PDIA6: variants seen among roughly 807,000 people sequenced by gnomAD.
The protein encoded by PDIA6 is protein disulfide-isomerase A6.
PDIA6 carries 29 observed loss-of-function variants against 58.4 expected under a neutral mutation model. The observed-to-expected ratio is 0.50, with a 90% confidence interval of 0.37 to 0.68. The LOEUF (loss-of-function observed/expected upper bound fraction) is 0.68. Among genes scored for constraint, PDIA6 ranks in the 30% least tolerant of loss-of-function variants. PDIA6 has a pLI of 0.00. For synonymous variants in PDIA6, 192 were observed against 202.6 expected (o/e 0.95, Z 0.44); for missense variants, 480 against 551.0 (o/e 0.87, Z 1.29).
At chr2:10,818,949 T>C (rs1166350806) in intron 2 of PDIA6, among the ~76,000 whole-genome samples, 1 of 152,110 alleles carries the variant, frequency 6.6e-6, no homozygotes, top group African/African-American at 2.4e-5. Flanking sequence ...CAAATCCTCA[T>C]TCCCCCTCCC....
chr2:10,800,682 C>T (rs1666471461), intron 2 of PDIA6, among the ~76,000 whole-genome samples: 1 of 151,646 alleles, frequency 6.6e-6, no homozygotes, highest in Non-Finnish European at 1.5e-5. Context: ...CTCACTGCAG[C>T]TTCTACCTCA....
chr2:10,795,494 AAGACG>A (rs1420853399), intron 4 of PDIA6, among the ~76,000 whole-genome samples: 14 of 42,724 alleles, frequency 3.3e-4, no homozygotes, highest in Non-Finnish European at 9.3e-4. Context: ...TCTTCAGACG[AAGACG>A]AAGACGAAGA....
intron 1 of PDIA6, among the ~76,000 whole-genome samples, chr2:10,807,378 A>G (rs923360248): frequency 6.6e-6 from 1 of 152,052 alleles, no homozygotes; most frequent in African/African-American, 2.4e-5. Flanking sequence ...TAACTTTTAA[A>G]TTTTTTGTAG....
intron 11 of PDIA6, among the ~76,000 whole-genome samples, chr2:10,785,594 C>A (rs977766518): frequency 6.6e-6 from 1 of 152,144 alleles, no homozygotes; most frequent in East Asian, 1.9e-4. Context: ...GCTAGACTAA[C>A]AATCTATGGC....
intron 4 of PDIA6, among the ~76,000 whole-genome samples, chr2:10,794,257 C>T (rs1033864552): frequency 1.8e-4 from 27 of 151,506 alleles, no homozygotes; most frequent in African/African-American, 6.3e-4. Context: ...ACCATCCTGC[C>T]CAACATGGTG....
intron 1 of PDIA6, among the ~76,000 whole-genome samples, chr2:10,827,837 T>A (rs2884290): frequency 0.59 from 72,510 of 123,156 alleles, 18,742 homozygotes; most frequent in East Asian, 0.79. Flanking sequence ...AAAAAAAAAA[T>A]TTTTTTTTTC....
upstream of PDIA6, among the ~76,000 whole-genome samples, chr2:10,834,340 C>T (rs577517768): frequency 2.6e-5 from 4 of 152,282 alleles, no homozygotes; most frequent in Non-Finnish European, 5.9e-5. Flanking sequence ...AAGACCCTCT[C>T]TGTGGAGAGG....
rs558014220 is a variant in PDIA6, at chr2:10,837,590, C to T, written c.16G>A (p.Ala6Thr). ...CCTCGGGACACTTTGGAGGCAGGGG[C>T]TGTGATTATCCTCATTTTGCAGTCA... is the stretch of plus-strand genomic sequence containing the variant. Residue 6 changes from alanine (A) to threonine (T), a missense_variant, in exon 1 of 14, where the codon GCC (alanine) becomes ACC (threonine). Transcript: ENST00000404824. 2.5e-5 allele frequency: 22 copies of T among 873,272 alleles called. No individual in the cohort carries two copies. In the East Asian group the frequency reaches 5.3e-4, roughly 21 times the overall value. 54.1% of individuals were successfully genotyped at this position (873,272 alleles called of 1,614,324 possible).
chr2:10,798,392 A>G (rs1666358950), intron 2 of PDIA6, among the ~76,000 whole-genome samples: 1 of 151,734 alleles, frequency 6.6e-6, no homozygotes. Context: ...ACATGGTGAC[A>G]CCCTGTCTCT....
At chr2:10,788,076 AAAAAG>A (rs1462084494) in intron 10 of PDIA6, among the ~76,000 whole-genome samples, 1 of 151,848 alleles carries the variant, frequency 6.6e-6, no homozygotes, top group African/African-American at 2.4e-5. Context: ...AAAAAAAAAA[AAAAAG>A]GATAAAATAG....
intron 1 of PDIA6, among the ~76,000 whole-genome samples, chr2:10,830,733 C>T (rs1031863157): frequency 2.0e-5 from 3 of 152,194 alleles, no homozygotes; most frequent in African/African-American, 7.2e-5. Context: ...CTGAACTGCC[C>T]CTCCAGGCCC....
chr2:10,826,577 C>T (rs1558464713), intron 1 of PDIA6, among the ~76,000 whole-genome samples: 1 of 152,162 alleles, frequency 6.6e-6, no homozygotes, highest in Non-Finnish European at 1.5e-5. Context: ...CCAGGCTGGT[C>T]TCAAACCCCT....
intron 4 of PDIA6, among the ~76,000 whole-genome samples, chr2:10,796,354 G>A (rs1458806287): frequency 1.3e-5 from 2 of 151,948 alleles, no homozygotes; most frequent in African/African-American, 4.8e-5. Context: ...TGCCCAGCCC[G>A]TTTGTGATAT....
rs1191367225 is a variant in PDIA6 at position 10,797,696 on chromosome 2, T to C, written c.219+4A>G. On this transcript the variant is annotated splice_donor_region_variant and intron_variant, in intron 3 of 12. Coordinates refer to ENST00000272227, the MANE Select transcript of PDIA6 (RefSeq NM_005742.4). ...TAAGCCTTTTGCATTCCTAAGAAAC[T>C]TACTTTTAATGCAGTTGCTGCTTTC... The C allele has an allele frequency of 6.2e-7, 1 of 1,610,332 alleles. No individual in the cohort carries two copies. Among genetic ancestry groups the C allele is most frequent in the Non-Finnish European group, 8.5e-7 (1 of 1,177,964 alleles).
upstream of PDIA6, among the ~76,000 whole-genome samples, chr2:10,834,729 T>C (rs1030396892): frequency 0.26 from 2,705 of 10,318 alleles, 375 homozygotes; most frequent in Non-Finnish European, 0.39. Context: ...CTCCCTTCCT[T>C]CCCTCCTTCC....
At chr2:10,794,618 A>C (rs184475009) in intron 4 of PDIA6, among the ~76,000 whole-genome samples, 1 of 151,358 alleles carries the variant, frequency 6.6e-6, no homozygotes, top group African/African-American at 2.4e-5. Context: ...TTGAGAACAC[A>C]CCAGACCTGA....
chr2:10,828,307 A>G (rs1334593099), intron 1 of PDIA6, among the ~76,000 whole-genome samples: 1 of 152,206 alleles, frequency 6.6e-6, no homozygotes, highest in Non-Finnish European at 1.5e-5. Flanking sequence ...TCAATTTTTC[A>G]ATTAAAATGT....
chr2:10,812,725 ACCGCCG>A lies in PDIA6; in HGVS notation c.-35_-30del. 1 of 1,493,866 alleles carries A rather than the reference ACCGCCG, an allele frequency of 6.7e-7. No homozygotes were observed. The highest frequency in any genetic ancestry group is 8.9e-7 in the Non-Finnish European group (1 of 1,124,084). 92.5% of individuals were successfully genotyped at this position (1,493,866 alleles called of 1,614,324 possible). On this transcript the variant is annotated 5_prime_UTR_variant, in exon 1 of 13. Transcript: ENST00000272227. ...GAGCGCCGGGCTACGTGCAGTCCCC[ACCGCCG>A]CCGCCGCTTCAGCCCTGCAGCGTGC...
intron 1 of PDIA6, among the ~76,000 whole-genome samples, chr2:10,806,266 G>A (rs1253114239): frequency 1.3e-5 from 2 of 151,128 alleles, no homozygotes; most frequent in East Asian, 2.0e-4. Context: ...TACTCGAGAG[G>A]CTGAGGTGGG....
Sources: gnomAD v4.1 joint callset for allele counts (sites outside exome capture counted in the v4.1 genomes callset) on GRCh38, gnomAD v4.1.1 for gene constraint, MANE v1.5 for transcripts, NCBI Gene and HGNC (gene_info 2026-07-23, HGNC 2026-07-21) for gene names.